Variants in RALYL observed in about 807,000 individuals in gnomAD.
RALYL encodes the protein RNA-binding Raly-like protein.
A neutral mutation model predicts 35.1 loss-of-function variants in RALYL; 29 were observed. The observed-to-expected ratio is 0.83, with a 90% CI of 0.61 to 1.13. The LOEUF is 1.13. RALYL is among the 50% of genes most tolerant of loss of function. The probability of loss-of-function intolerance (pLI) is 0.00; values close to 1 mark genes in which losing one functional copy is unlikely to be tolerated. For missense variants in RALYL, 359 were observed against 360.4 expected (o/e 1.00, Z 0.03); for synonymous variants, 120 against 127.6 (o/e 0.94, Z 0.40).
At chr8:84,436,800 C>T (rs1291808293) in intron 1 of RALYL, among the ~76,000 whole-genome samples, 1 of 151,030 alleles carries the variant, frequency 6.6e-6, no homozygotes, top group Admixed American at 6.6e-5. Context: ...TTCTATGTGC[C>T]CCATCTCCTA....
At chr8:84,573,831 T>C (rs1324080580) in intron 2 of RALYL, among the ~76,000 whole-genome samples, 3 of 151,952 alleles carry the variant, frequency 2.0e-5, no homozygotes, top group Non-Finnish European at 4.4e-5. Context: ...TTCTGATAAT[T>C]GTCTTTTTCA....
intron 2 of RALYL, among the ~76,000 whole-genome samples, chr8:84,619,737 G>T (rs1246175322): frequency 6.6e-6 from 1 of 151,620 alleles, no homozygotes; most frequent in Non-Finnish European, 1.5e-5. Flanking sequence ...GGTGCCGGTT[G>T]TTCCTTTCCA....
intron 1 of RALYL, among the ~76,000 whole-genome samples, chr8:84,460,399 T>G (rs711019): frequency 0.039 from 5,950 of 151,846 alleles, 155 homozygotes; most frequent in Middle Eastern, 0.075. Flanking sequence ...TGTTGCTGCA[T>G]TGTTCGTAAG....
chr8:84,919,471 G>A (rs1245463023), intron 8 of RALYL, among the ~76,000 whole-genome samples: 2 of 151,886 alleles, frequency 1.3e-5, no homozygotes, highest in Non-Finnish European at 1.5e-5. Context: ...TAATAAGTTC[G>A]AACCTTTGTG....
intron 2 of RALYL, among the ~76,000 whole-genome samples, chr8:84,624,365 G>A (rs1226994939): frequency 6.6e-6 from 1 of 152,114 alleles, no homozygotes; most frequent in Non-Finnish European, 1.5e-5. Flanking sequence ...TAAGTTTTGT[G>A]TTCCTTTTTG....
At chr8:84,730,440 CA>C (rs1373343770) in intron 2 of RALYL, among the ~76,000 whole-genome samples, 1 of 152,066 alleles carries the variant, frequency 6.6e-6, no homozygotes, top group Non-Finnish European at 1.5e-5. Flanking sequence ...ACTGAATGGG[CA>C]AAAACTGGAA....
intron 1 of RALYL, among the ~76,000 whole-genome samples, chr8:84,187,117 C>A (rs1812729819): frequency 6.6e-6 from 1 of 151,998 alleles, no homozygotes; most frequent in Admixed American, 6.6e-5. Context: ...AAATAAGACC[C>A]ACAAATTAAA....
At chr8:84,267,571 C>T (rs533540006) in intron 1 of RALYL, among the ~76,000 whole-genome samples, 2 of 152,300 alleles carry the variant, frequency 1.3e-5, no homozygotes, top group South Asian at 2.1e-4. Context: ...GTCAAGCACG[C>T]TTCTGCCTAT....
At chr8:84,481,955 G>A (rs2133897425) in intron 1 of RALYL, among the ~76,000 whole-genome samples, 1 of 152,180 alleles carries the variant, frequency 6.6e-6, no homozygotes, top group Non-Finnish European at 1.5e-5. Flanking sequence ...ATATTTTAAT[G>A]TATGTAAATG....
intron 1 of RALYL, among the ~76,000 whole-genome samples, chr8:84,384,879 G>T (rs1016779998): frequency 6.6e-6 from 1 of 151,738 alleles, no homozygotes; most frequent in African/African-American, 2.4e-5. Flanking sequence ...ACATGTTAAA[G>T]AGAGTTCTAG....
At chr8:84,681,883 C>A (rs562232322) in intron 2 of RALYL, among the ~76,000 whole-genome samples, 30 of 152,148 alleles carry the variant, frequency 2.0e-4, no homozygotes, top group East Asian at 3.9e-4. Flanking sequence ...TATGTTGAAT[C>A]GGAGTGGTGA....
In RALYL at chr8:84,651,294, A is replaced by G. The variant is rs1828763602; in HGVS notation, c.256+121717A>G. Among the ~76,000 whole-genome samples, 4 of 151,868 alleles carry G rather than the reference A, an allele frequency of 2.6e-5. 1 individual carries two copies. The South Asian group carries it at 8.3e-4, about 31-fold the overall frequency. On this transcript the variant is annotated intron_variant, in intron 2 of 8. Transcript: ENST00000521268. ...AATGCCTGGCAATAAGGATAGCATG[A>G]TATGAATGCCATAACTATGAATAAT...
chr8:84,713,387 T>G (rs994415690), intron 2 of RALYL, among the ~76,000 whole-genome samples: 2 of 151,802 alleles, frequency 1.3e-5, no homozygotes, highest in Non-Finnish European at 2.9e-5. Context: ...ATAACTTGAT[T>G]GAAAAATGGA....
chr8:84,790,887 T>C (rs1171722532), intron 3 of RALYL, among the ~76,000 whole-genome samples: 1 of 152,210 alleles, frequency 6.6e-6, no homozygotes. Context: ...AACTTGGTGA[T>C]TGCCACAAGA....
At chr8:84,877,466 G>A (rs1223272880) in intron 7 of RALYL, among the ~76,000 whole-genome samples, 3 of 151,964 alleles carry the variant, frequency 2.0e-5, no homozygotes, top group South Asian at 2.1e-4. Context: ...CAACCTGGGC[G>A]ACAGCGAGAT....
At chr8:84,870,755 G>T (rs541646103) in intron 6 of RALYL, among the ~76,000 whole-genome samples, 20 of 152,086 alleles carry the variant, frequency 1.3e-4, no homozygotes, top group African/African-American at 4.6e-4. Flanking sequence ...TTCATCCCAG[G>T]CATTCCATCT....
At chr8:84,308,851 A>G (rs924049102) in intron 1 of RALYL, among the ~76,000 whole-genome samples, 5 of 152,154 alleles carry the variant, frequency 3.3e-5, no homozygotes, top group Non-Finnish European at 5.9e-5. Flanking sequence ...TCTTTCAACA[A>G]CAAATATTTC....
At chr8:84,478,431 T>C (rs1286937796) in intron 1 of RALYL, among the ~76,000 whole-genome samples, 1 of 152,194 alleles carries the variant, frequency 6.6e-6, no homozygotes, top group Non-Finnish European at 1.5e-5. Flanking sequence ...AAAGTTAATG[T>C]AATGAAATGT....
At chr8:84,732,987 T>C (rs1220253276) in intron 2 of RALYL, among the ~76,000 whole-genome samples, 1 of 152,012 alleles carries the variant, frequency 6.6e-6, no homozygotes, top group Non-Finnish European at 1.5e-5. Context: ...TGAGCCACCA[T>C]GCCTGGCCTA....
Sources: gnomAD v4.1 joint callset for allele counts (sites outside exome capture counted in the v4.1 genomes callset) on GRCh38, gnomAD v4.1.1 for gene constraint, MANE v1.5 for transcripts, NCBI Gene and HGNC (gene_info 2026-07-23, HGNC 2026-07-21) for gene names.